IFT88: variants seen among roughly 807,000 people sequenced by gnomAD.
IFT88 encodes the protein intraflagellar transport 88.
A neutral mutation model predicts 119.5 loss-of-function variants in IFT88; 74 were observed. The observed-to-expected ratio is 0.62, with a 90% CI of 0.51 to 0.75. The LOEUF (loss-of-function observed/expected upper bound fraction) is 0.75, where lower values mean the gene tolerates loss of function less well. Ranked by LOEUF, IFT88 falls within the 30% of genes least tolerant of loss-of-function variation. The pLI is 0.00. For missense variants in IFT88, 961 were observed against 977.7 expected, an observed-to-expected ratio of 0.98 and a Z score of 0.23; for synonymous variants, 279 against 316.7, an observed-to-expected ratio of 0.88 and a Z score of 1.26.
chr13:20,615,799 C>T lies in IFT88; in HGVS notation c.1119C>T (p.Ala373=), dbSNP rs764521777. The T allele has an allele frequency of 1.9e-6, 3 of 1,585,708 alleles. No homozygotes were observed. The highest frequency in any genetic ancestry group is 1.8e-5 in the Admixed American group (1 of 55,424). Residue 373 remains alanine, a synonymous_variant, in exon 14 of 26, where the codon GCC becomes GCT. Coordinates refer to ENST00000351808, the MANE Select transcript of IFT88 (RefSeq NM_006531.5). The part of the protein sequence containing the change: ...HLRQMERERK[A]MAEKYIMTSA... ...TTTGGTTTATTTGATATAGGAAAGC[C>T]ATGGCAGAAAAATATATTATGACAT...
chr13:20,598,356 A>G (rs1457087207), intron 9 of IFT88, among the ~76,000 whole-genome samples: 1 of 152,210 alleles, frequency 6.6e-6, no homozygotes, highest in Non-Finnish European at 1.5e-5. Flanking sequence ...CACCAGCAGC[A>G]TTAATGATAC....
In IFT88 at chr13:20,644,488, C is replaced by G. The variant is rs531100776; in HGVS notation, c.1834-355C>G. ...CTACACTCCAGGCTGGGTGACAGAG[C>G]GAGACTGTCTTAAAATAATAATAAT... is the stretch of plus-strand genomic sequence containing the variant. On this transcript the variant is annotated intron_variant, in intron 19 of 25. Coordinates refer to ENST00000351808, the MANE Select transcript of IFT88 (RefSeq NM_006531.5). 2.0e-5 allele frequency among the ~76,000 whole-genome samples: 3 copies of G among 151,936 alleles called. No homozygotes were observed. The South Asian group carries it at 6.2e-4, about 32-fold the overall frequency.
intron 17 of IFT88, among the ~76,000 whole-genome samples, chr13:20,639,561 C>G (rs2049536489): frequency 6.6e-6 from 1 of 152,108 alleles, no homozygotes; most frequent in Non-Finnish European, 1.5e-5. Context: ...ATGTATGTTT[C>G]AAGTCATAGA....
chr13:20,584,413 C>T (rs1031374411), intron 3 of IFT88, among the ~76,000 whole-genome samples: 3 of 152,002 alleles, frequency 2.0e-5, no homozygotes, highest in African/African-American at 4.8e-5. Flanking sequence ...TATTAGGCAT[C>T]AGAATATTGT....
chr13:20,654,765 C>T (rs1476460949), intron 21 of IFT88, among the ~76,000 whole-genome samples: 1 of 152,174 alleles, frequency 6.6e-6, no homozygotes, highest in Non-Finnish European at 1.5e-5. Context: ...GAATGTACAA[C>T]ATGACTATAC....
rs1392469366 is a variant in IFT88 at position 20,596,176 on chromosome 13, A to G, written c.425A>G (p.Glu142Gly). Residue 142 changes from glutamate (E) to glycine (G), a missense_variant, in exon 8 of 26, where the codon GAG becomes GGG. By Grantham distance (98) the Glu-to-Gly change is moderately conservative. Coordinates refer to ENST00000351808, the MANE Select transcript of IFT88 (RefSeq NM_006531.5). ...DSPEEKIKQL[E>G]KEVNELVEES... The stretch of plus-strand genomic sequence containing the variant: ...CCAGAGGAAAAAATAAAGCAATTAG[A>G]GAAGGAAGTAAATGAGTTGGTAGAA... 6.5e-7 allele frequency: 1 copy of G among 1,548,380 alleles called. No individual in the cohort carries two copies. The highest frequency in any genetic ancestry group is 8.8e-7 in the Non-Finnish European group (1 of 1,138,740).
At chr13:20,624,865 A>G (rs1267347037) in intron 14 of IFT88, among the ~76,000 whole-genome samples, 1 of 152,194 alleles carries the variant, frequency 6.6e-6, no homozygotes, top group African/African-American at 2.4e-5. Flanking sequence ...GCTAAATCCT[A>G]TGCATTACCA....
chr13:20,567,855 G>C, intron 1 of IFT88: 1 of 897,838 alleles, frequency 1.1e-6, no homozygotes, highest in Middle Eastern at 3.3e-4. Context: ...CTGGTTGTGA[G>C]TTTTTTTTGT....
At position 20,597,137 on chromosome 13, in the gene IFT88, A is replaced by G. The variant is rs1159003444; in HGVS notation, c.594+18A>G. The G allele has an allele frequency of 7.1e-7, 1 of 1,411,994 alleles. No individual in the cohort carries two copies. The highest frequency in any genetic ancestry group is 9.8e-7 in the Non-Finnish European group (1 of 1,025,420). 87.5% of individuals were successfully genotyped at this position (1,411,994 alleles called of 1,614,324 possible). A position where few individuals can be genotyped will look rare whatever the true frequency, so the allele number is the denominator to read the frequency against. ...CTTACTCAGTAAGTATTGAAATATA[A>G]CACAATTTTTAAATAAAATTTTGAC... On this transcript the variant is annotated intron_variant, in intron 9 of 25. Transcript: ENST00000351808.
intron 24 of IFT88, among the ~76,000 whole-genome samples, chr13:20,674,824 C>T (rs2056457234): frequency 6.7e-6 from 1 of 148,478 alleles, no homozygotes; most frequent in South Asian, 2.1e-4. Context: ...CACCATTCTC[C>T]TCCCTCAGCC....
chr13:20,584,697 T>C (rs1270582303), intron 3 of IFT88, among the ~76,000 whole-genome samples: 2 of 152,194 alleles, frequency 1.3e-5, no homozygotes. Flanking sequence ...TAGTTGAAAA[T>C]AAACAAGGTT....
rs753310520 is a variant in IFT88, at chr13:20,671,021, G to C, written c.2224G>C (p.Glu742Gln). ...CAGTGGGGGCTCCCGTGGCAAAAGA[G>C]AAGGAAGTGCTAGCGGTGGTAAGTA... ...DGSGGSRGKR[E>Q]GSASGDSGQN... Residue 742 changes from glutamate (E) to glutamine (Q), a missense_variant, in exon 24 of 26, where the codon GAA (glutamate) becomes CAA (glutamine). Coordinates refer to ENST00000351808, the MANE Select transcript of IFT88 (RefSeq NM_006531.5). The C allele has an allele frequency of 1.4e-5, 22 of 1,613,878 alleles. No individual in the cohort carries two copies. The highest frequency in any genetic ancestry group is 1.9e-5 in the Non-Finnish European group (22 of 1,179,904).
intron 13 of IFT88, chr13:20,608,022 G>C: frequency 1.8e-6 from 1 of 566,008 alleles, no homozygotes; most frequent in Admixed American, 2.3e-5. Context: ...GAGCCCACTG[G>C]AGAAGCCCCA....
chr13:20,664,223 A>C (rs1275464351), intron 23 of IFT88, among the ~76,000 whole-genome samples: 1 of 152,198 alleles, frequency 6.6e-6, no homozygotes, highest in Non-Finnish European at 1.5e-5. Context: ...GGTCAGGGTA[A>C]TTTCTCTTGC....
intron 24 of IFT88, among the ~76,000 whole-genome samples, chr13:20,679,886 G>T (rs1419577593): frequency 6.6e-6 from 1 of 152,126 alleles, no homozygotes; most frequent in Non-Finnish European, 1.5e-5. Context: ...CCAAATAATA[G>T]GAACTCTTGC....
intron 20 of IFT88, among the ~76,000 whole-genome samples, chr13:20,648,037 T>C (rs1170594901): frequency 6.6e-6 from 1 of 152,146 alleles, no homozygotes; most frequent in Non-Finnish European, 1.5e-5. Context: ...AGCAATGGAA[T>C]GATGTAAAGT....
Position 20,568,966 on chromosome 13 carries a change from C to T in IFT88, c.-7+1710C>T, listed in dbSNP as rs1238848333. 5.9e-5 allele frequency among the ~76,000 whole-genome samples: 9 copies of T among 152,114 alleles called. No individual in the cohort carries two copies. The South Asian group carries it at 6.2e-4, about 11-fold the overall frequency. Reference sequence around the variant, plus strand: ...CGATCTCCTGACCTCGTGATCCGCCCGCCTCGGCCTCCCAGAGTGTTGGGA... The same window carrying T: ...CGATCTCCTGACCTCGTGATCCGCCTGCCTCGGCCTCCCAGAGTGTTGGGA... On this transcript the variant is annotated intron_variant, in intron 1 of 25. Coordinates refer to ENST00000351808, the MANE Select transcript of IFT88 (RefSeq NM_006531.5).
At chr13:20,583,632 G>A (rs4268596) in intron 3 of IFT88, among the ~76,000 whole-genome samples, 118,330 of 152,078 alleles carry the variant, frequency 0.78, 46,715 homozygotes, top group East Asian at 1. Context: ...TTAGTTTGAT[G>A]TAGTCCCAAT....
intron 1 of IFT88, among the ~76,000 whole-genome samples, chr13:20,568,580 A>G (rs780978981): frequency 5.9e-5 from 9 of 152,240 alleles, no homozygotes; most frequent in Non-Finnish European, 1.0e-4. Context: ...ATTATGGTTC[A>G]GAATAGTGGT....
Sources: allele counts gnomAD v4.1 joint callset (sites outside exome capture counted in the v4.1 genomes callset), GRCh38; gene constraint gnomAD v4.1.1; transcripts MANE v1.5; gene names NCBI Gene and HGNC (gene_info 2026-07-23, HGNC 2026-07-21).